Variants in PDZRN4 observed in about 807,000 individuals in gnomAD.
The protein encoded by PDZRN4 is PDZ domain-containing RING finger protein 4.
A neutral mutation model predicts 99.0 loss-of-function variants in PDZRN4; 70 were observed. That is an observed-to-expected ratio of 0.71 (90% confidence interval 0.58 to 0.86). The LOEUF is 0.86. Among genes scored for constraint, PDZRN4 ranks in the 40% least tolerant of loss-of-function variants. The pLI, the probability that PDZRN4 is intolerant of heterozygous loss-of-function variation, is 0.00. For missense variants in PDZRN4, 1,474 were observed against 1,331.2 expected (o/e 1.11, Z -1.67); for synonymous variants, 551 against 501.6 (o/e 1.10, Z -1.32).
At chr12:41,401,286 T>C (rs1398121444) in intron 3 of PDZRN4, among the ~76,000 whole-genome samples, 3 of 152,178 alleles carry the variant, frequency 2.0e-5, no homozygotes, top group Non-Finnish European at 4.4e-5. Context: ...AAACAATGAA[T>C]GTCTACTGAG....
intron 3 of PDZRN4, among the ~76,000 whole-genome samples, chr12:41,455,572 T>C (rs1952811166): frequency 6.6e-6 from 1 of 152,184 alleles, no homozygotes; most frequent in Non-Finnish European, 1.5e-5. Flanking sequence ...ACAATATTAA[T>C]AACAGTTTAA....
chr12:41,506,370 A>G, intron 3 of PDZRN4, 86 bp from the exon 4 acceptor site: 1 of 1,311,416 alleles, frequency 7.6e-7, no homozygotes, highest in Non-Finnish European at 1.0e-6. Flanking sequence ...GCTGGTTGAA[A>G]CCTTTCTCTC....
At chr12:41,309,699 T>C (rs574589427) in intron 3 of PDZRN4, among the ~76,000 whole-genome samples, 36 of 151,690 alleles carry the variant, frequency 2.4e-4, no homozygotes, top group African/African-American at 8.7e-4. Flanking sequence ...AATAAATAAA[T>C]AAGAAAAAGT....
chr12:41,513,776 T>C (rs988634885), intron 5 of PDZRN4, among the ~76,000 whole-genome samples: 4 of 152,030 alleles, frequency 2.6e-5, no homozygotes, highest in African/African-American at 7.2e-5. Flanking sequence ...TTTGCCCAAC[T>C]CCTAATAAAG....
intron 3 of PDZRN4, among the ~76,000 whole-genome samples, chr12:41,485,939 C>T (rs1308341341): frequency 6.6e-6 from 1 of 152,014 alleles, no homozygotes; most frequent in Non-Finnish European, 1.5e-5. Context: ...CTGAGATAGA[C>T]TAAGACAACA....
chr12:41,446,023 C>A (rs1952724626), intron 3 of PDZRN4, among the ~76,000 whole-genome samples: 1 of 151,962 alleles, frequency 6.6e-6, no homozygotes. Flanking sequence ...GGAATACTAG[C>A]CTTAAAAGGG....
chr12:41,453,511 T>C (rs1164553834), intron 3 of PDZRN4, among the ~76,000 whole-genome samples: 5 of 152,210 alleles, frequency 3.3e-5, no homozygotes, highest in African/African-American at 7.2e-5. Flanking sequence ...TGTCTGGAGA[T>C]TGATTTTGCT....
At chr12:41,561,102 A>G (rs1054946246) in intron 7 of PDZRN4, among the ~76,000 whole-genome samples, 1 of 152,102 alleles carries the variant, frequency 6.6e-6, no homozygotes, top group African/African-American at 2.4e-5. Flanking sequence ...CAGGGGAGAG[A>G]AATGAATACC....
chr12:41,233,933 G>C (rs1951048073), intron 3 of PDZRN4, among the ~76,000 whole-genome samples: 1 of 151,498 alleles, frequency 6.6e-6, no homozygotes, highest in South Asian at 2.1e-4. Context: ...AAAACTTAAA[G>C]TATAATAATA....
intron 3 of PDZRN4, among the ~76,000 whole-genome samples, chr12:41,293,969 TG>T: frequency 6.6e-6 from 1 of 152,320 alleles, no homozygotes; most frequent in African/African-American, 2.4e-5. Flanking sequence ...TACAAAGACA[TG>T]GCATTCAATA....
intron 3 of PDZRN4, among the ~76,000 whole-genome samples, chr12:41,483,371 T>C (rs1937713029): frequency 6.6e-6 from 1 of 152,174 alleles, no homozygotes; most frequent in South Asian, 2.1e-4. Context: ...TTGAAATTTC[T>C]TAGGATTCTT....
intron 3 of PDZRN4, among the ~76,000 whole-genome samples, chr12:41,199,131 T>A (rs1950797944): frequency 6.6e-6 from 1 of 152,164 alleles, no homozygotes; most frequent in African/African-American, 2.4e-5. Flanking sequence ...AAACACTATA[T>A]CTTACTATCT....
At chr12:41,233,142 C>G (rs1951040122) in intron 3 of PDZRN4, among the ~76,000 whole-genome samples, 1 of 152,116 alleles carries the variant, frequency 6.6e-6, no homozygotes, top group African/African-American at 2.4e-5. Context: ...TGAGCAGACA[C>G]TTCTCAAAAG....
chr12:41,316,913 G>C (rs117452876), intron 3 of PDZRN4, among the ~76,000 whole-genome samples: 3,085 of 151,566 alleles, frequency 0.02, 41 homozygotes, highest in Non-Finnish European at 0.033. Flanking sequence ...TCACATAAGG[G>C]CTAAGGCAGG....
intron 3 of PDZRN4, among the ~76,000 whole-genome samples, chr12:41,367,893 T>C (rs1952013421): frequency 1.3e-5 from 2 of 152,034 alleles, no homozygotes; most frequent in Non-Finnish European, 2.9e-5. Context: ...TTGAGAGAAA[T>C]GTCTTGAAAT....
chr12:41,418,668 A>C (rs943619419), intron 3 of PDZRN4, among the ~76,000 whole-genome samples: 10 of 152,184 alleles, frequency 6.6e-5, no homozygotes, highest in African/African-American at 2.4e-4. Context: ...GAAATTTCAG[A>C]GTTTGTTGTT....
chr12:41,373,439 C>T (rs1051379545), intron 3 of PDZRN4, among the ~76,000 whole-genome samples: 3 of 152,092 alleles, frequency 2.0e-5, no homozygotes, highest in Non-Finnish European at 4.4e-5. Flanking sequence ...GGCCTACCCT[C>T]AGGGATGCAT....
intron 5 of PDZRN4, among the ~76,000 whole-genome samples, chr12:41,523,588 A>G (rs1247811003): frequency 6.6e-6 from 1 of 152,138 alleles, no homozygotes; most frequent in Non-Finnish European, 1.5e-5. Context: ...CACAGGGGGC[A>G]ACAACATGGT....
intron 3 of PDZRN4, among the ~76,000 whole-genome samples, chr12:41,411,067 ATT>A (rs113666260): frequency 0.19 from 26,488 of 140,270 alleles, 2,706 homozygotes; most frequent in Non-Finnish European, 0.23. Flanking sequence ...ATATATATAT[ATT>A]TTTTTTTTAT....
Sources: allele counts gnomAD v4.1 joint callset (sites outside exome capture counted in the v4.1 genomes callset), GRCh38; gene constraint gnomAD v4.1.1; transcripts MANE v1.5; gene names NCBI Gene and HGNC (gene_info 2026-07-23, HGNC 2026-07-21).